The following SP140 variants were observed in gnomAD, a reference collection of about 807,000 sequenced individuals.
SP140 encodes SP140 nuclear body protein.
SP140 carries 81 observed loss-of-function variants against 125.0 expected under a neutral mutation model. The observed-to-expected ratio is 0.65, with a 90% CI of 0.54 to 0.78. The LOEUF (loss-of-function observed/expected upper bound fraction) is 0.78, where lower values mean the gene tolerates loss of function less well. SP140 is among the 30% of genes least tolerant of loss of function. The pLI is 0.00. For missense variants in SP140, 858 were observed against 1,037.0 expected (o/e 0.83, Z 2.37); for synonymous variants, 312 against 354.0 (o/e 0.88, Z 1.33).
intron 9 of SP140, among the ~76,000 whole-genome samples, chr2:230,249,458 G>A (rs1207045515): frequency 6.6e-6 from 1 of 152,076 alleles, no homozygotes; most frequent in African/African-American, 2.4e-5. Flanking sequence ...GCCCCTGCGT[G>A]AACAGAAGAT....
chr2:230,204,399 G>A (rs979248660), intron 1 of SP140, among the ~76,000 whole-genome samples: 1 of 152,162 alleles, frequency 6.6e-6, no homozygotes, highest in South Asian at 2.1e-4. Context: ...GGTGTGCAGA[G>A]TACGTATGTC....
At chr2:230,279,821 CTG>C in intron 15 of SP140, among the ~76,000 whole-genome samples, 1 of 151,970 alleles carries the variant, frequency 6.6e-6, no homozygotes, top group Non-Finnish European at 1.5e-5. Context: ...TGGGGCCTCA[CTG>C]TGTGTTCCAG....
At chr2:230,209,445 T>C (rs1195845883) in intron 1 of SP140, among the ~76,000 whole-genome samples, 1 of 151,990 alleles carries the variant, frequency 6.6e-6, no homozygotes, top group African/African-American at 2.4e-5. Context: ...GATGAGTGAG[T>C]GAACATTTTA....
chr2:230,275,268 G>A (rs1030500118), intron 15 of SP140, among the ~76,000 whole-genome samples: 10 of 152,078 alleles, frequency 6.6e-5, no homozygotes, highest in African/African-American at 2.4e-4. Flanking sequence ...TGAGGATATT[G>A]TGAGTTTTAC....
At chr2:230,208,829 C>T (rs546679291) in intron 1 of SP140, among the ~76,000 whole-genome samples, 1 of 152,168 alleles carries the variant, frequency 6.6e-6, no homozygotes, top group East Asian at 1.9e-4. Context: ...CCAAGACTTG[C>T]CAGAGAGTTC....
rs1317674645 is a variant in SP140, at chr2:230,203,616, C to G, written c.-323+337C>G. 2.0e-5 allele frequency: 3 copies of G among 149,190 alleles called. No homozygotes were observed. The East Asian group carries it at 6.0e-4, about 30-fold the overall frequency. The allele number at this position is 149,190 out of a possible 1,614,324, so 9.2% of individuals were successfully genotyped here. ...GAGCCTAAAACTTGCCTTTCATTGCCAAGTTTAGGGTTTTTTTTCTGCATA... is the reference window on the plus strand; with the variant it reads ...GAGCCTAAAACTTGCCTTTCATTGCGAAGTTTAGGGTTTTTTTTCTGCATA... On this transcript the variant is annotated intron_variant, in intron 1 of 4. Coordinates refer to the SP140 transcript ENST00000456542.
At chr2:230,224,819 C>T (rs771275887), upstream of SP140, among the ~76,000 whole-genome samples, 13 of 152,228 alleles carry the variant, frequency 8.5e-5, no homozygotes, top group Non-Finnish European at 1.8e-4. Flanking sequence ...TCTACCCATA[C>T]CCTGGCTCTC....
At chr2:230,225,615 G>A (rs978593332), upstream of SP140, 15 of 587,772 alleles carry the variant, frequency 2.6e-5, no homozygotes, top group South Asian at 1.7e-4. Flanking sequence ...CCTGTCTTCC[G>A]TGGCCTCGTG....
At chr2:230,293,461 C>G (rs914373551) in intron 20 of SP140, among the ~76,000 whole-genome samples, 1 of 152,162 alleles carries the variant, frequency 6.6e-6, no homozygotes, top group Non-Finnish European at 1.5e-5. Context: ...CTCAGCCTCT[C>G]GAGTAGCTGG....
intron 7 of SP140, among the ~76,000 whole-genome samples, chr2:230,247,116 A>T (rs928922816): frequency 1.3e-5 from 2 of 152,122 alleles, no homozygotes; most frequent in Non-Finnish European, 2.9e-5. Flanking sequence ...TGAGGCTTTC[A>T]TGTCTCTCCC....
chr2:230,308,689 C>A (rs551376107), intron 22 of SP140, among the ~76,000 whole-genome samples: 15 of 152,204 alleles, frequency 9.9e-5, no homozygotes, highest in Admixed American at 6.5e-4. Flanking sequence ...AATTCCATGG[C>A]TGGCAGGGAA....
At chr2:230,230,480 C>T (rs147970866) in intron 1 of SP140, 1 of 152,266 alleles carries the variant, frequency 6.6e-6, no homozygotes, top group East Asian at 1.9e-4. Flanking sequence ...ATCTTGTATC[C>T]AATTTGTTAG....
At chr2:230,221,672 G>A (rs1559191167), upstream of SP140, 1 of 1,533,802 alleles carries the variant, frequency 6.5e-7, no homozygotes, top group Non-Finnish European at 8.7e-7. Context: ...AAGGAATTAA[G>A]GTTATTTTAT....
chr2:230,285,694 C>T, intron 16 of SP140, 58 bp from the exon 17 acceptor site: 1 of 1,402,688 alleles, frequency 7.1e-7, no homozygotes, highest in Non-Finnish European at 1.0e-6. Context: ...TTTGTTCCTG[C>T]CTGACAGCTG....
Position 230,269,755 on chromosome 2 carries a change from A to G in SP140, c.1328-82A>G. ...GGAGAAGATTTCAGAGGAAAAAGTA[A>G]AGAAGGGGGAGCAACAAGGGTGCAG... On this transcript the variant is annotated intron_variant, in intron 13 of 26. Transcript: ENST00000392045. 2.5e-6 allele frequency: 3 copies of G among 1,191,980 alleles called. No homozygotes were observed. The Admixed American group carries it at 5.6e-5, about 22-fold the overall frequency. The allele number at this position is 1,191,980 out of a possible 1,614,324, so 73.8% of individuals were successfully genotyped here. A position where few individuals can be genotyped will look rare whatever the true frequency, so the allele number is the denominator to read the frequency against.
chr2:230,266,183 G>C (rs1052416456), intron 12 of SP140, among the ~76,000 whole-genome samples: 1 of 152,096 alleles, frequency 6.6e-6, no homozygotes, highest in African/African-American at 2.4e-5. Flanking sequence ...TGAAGACATT[G>C]TAACATTTCT....
intron 11 of SP140, among the ~76,000 whole-genome samples, chr2:230,254,224 A>G (rs2050805061): frequency 6.6e-6 from 1 of 152,234 alleles, no homozygotes; most frequent in African/African-American, 2.4e-5. Flanking sequence ...AGTGCAAACT[A>G]TGTCGGAGGA....
At chr2:230,297,683 A>G (rs1262705799) in intron 22 of SP140, among the ~76,000 whole-genome samples, 13 of 152,162 alleles carry the variant, frequency 8.5e-5, no homozygotes, top group Non-Finnish European at 7.3e-5. Context: ...GAAACCTTCC[A>G]ATGTCCTTAT....
intron 9 of SP140, among the ~76,000 whole-genome samples, chr2:230,249,305 C>T (rs1474012368): frequency 6.6e-6 from 1 of 152,068 alleles, no homozygotes; most frequent in African/African-American, 2.4e-5. Flanking sequence ...GCAACTGACG[C>T]AGGGGAGAAT....
Sources: gnomAD v4.1 joint callset for allele counts (sites outside exome capture counted in the v4.1 genomes callset) on GRCh38, gnomAD v4.1.1 for gene constraint, MANE v1.5 for transcripts, NCBI Gene and HGNC (gene_info 2026-07-23, HGNC 2026-07-21) for gene names.